IQCM: variants seen among roughly 807,000 people sequenced by gnomAD.
IQCM encodes the protein IQ domain-containing protein M.
In IQCM, 45 loss-of-function variants were observed where a neutral mutation model predicts 57.6. The observed-to-expected ratio is 0.78, with a 90% CI of 0.62 to 1.00. The LOEUF is 1.00. Among genes scored for constraint, IQCM ranks in the 50% least tolerant of loss-of-function variants. The pLI, the probability that IQCM is intolerant of heterozygous loss-of-function variation, is 0.00. For missense variants in IQCM, 468 were observed against 511.6 expected (o/e 0.91, Z 0.82); for synonymous variants, 148 against 158.9 (o/e 0.93, Z 0.51).
At chr4:149,431,796 T>C (rs1451297348) in intron 13 of IQCM, among the ~76,000 whole-genome samples, 3 of 152,002 alleles carry the variant, frequency 2.0e-5, no homozygotes, top group African/African-American at 7.2e-5. Flanking sequence ...TCATCCATGT[T>C]GTGTACATCA....
chr4:149,587,460 T>C (rs1752745692), intron 9 of IQCM, among the ~76,000 whole-genome samples: 1 of 151,728 alleles, frequency 6.6e-6, no homozygotes, highest in South Asian at 2.1e-4. Context: ...AAATCAATGT[T>C]TTCAAAACAG....
At chr4:149,494,434 T>C (rs1742435962) in intron 12 of IQCM, among the ~76,000 whole-genome samples, 2 of 152,186 alleles carry the variant, frequency 1.3e-5, no homozygotes, top group African/African-American at 4.8e-5. Context: ...AAGTCCCTAA[T>C]GAGATTGTAC....
chr4:149,400,945 T>C (rs1732577959), intron 13 of IQCM, among the ~76,000 whole-genome samples: 2 of 151,892 alleles, frequency 1.3e-5, no homozygotes, highest in Non-Finnish European at 2.9e-5. Context: ...GCTATTGCTG[T>C]ATACTTTGCT....
At position 149,578,607 on chromosome 4, in the gene IQCM, C is replaced by T. The variant is rs371690880; in HGVS notation, c.749+9323G>A. On this transcript the variant is annotated intron_variant, in intron 9 of 13. Transcript: ENST00000636793. ...AGAGCTGACTCTACCTACTCCCATC[C>T]GTCTCTCTCACCTCTGCTCAAAAAA... 6.6e-5 allele frequency among the ~76,000 whole-genome samples: 10 copies of T among 151,852 alleles called. No individual in the cohort carries two copies. In the East Asian group the frequency reaches 1.6e-3, roughly 24 times the overall value.
At chr4:149,518,226 C>T (rs569795649) in intron 12 of IQCM, among the ~76,000 whole-genome samples, 154 of 152,172 alleles carry the variant, frequency 1.0e-3, no homozygotes, top group Non-Finnish European at 2.0e-3. Flanking sequence ...ATACTCCTAC[C>T]ATGAAGGGAG....
intron 12 of IQCM, among the ~76,000 whole-genome samples, chr4:149,519,786 C>G (rs191406684): frequency 5.3e-5 from 8 of 151,970 alleles, no homozygotes; most frequent in Non-Finnish European, 1.2e-4. Flanking sequence ...GAGTGGATCA[C>G]GAGGTCAGGA....
At chr4:149,373,506 G>A (rs533811214) in intron 13 of IQCM, among the ~76,000 whole-genome samples, 7 of 152,154 alleles carry the variant, frequency 4.6e-5, no homozygotes, top group Admixed American at 4.6e-4. Flanking sequence ...GTTAAATAAC[G>A]TGTACAATAT....
intron 2 of IQCM, among the ~76,000 whole-genome samples, chr4:149,809,351 A>G (rs939514428): frequency 2.0e-5 from 3 of 152,176 alleles, no homozygotes; most frequent in African/African-American, 4.8e-5. Context: ...ACAATCTTAC[A>G]GTATACAAAT....
chr4:149,754,315 C>G (rs566841252), intron 2 of IQCM, among the ~76,000 whole-genome samples: 1 of 152,292 alleles, frequency 6.6e-6, no homozygotes, highest in African/African-American at 2.4e-5. Context: ...TAAAGCCCCT[C>G]CCCGCCCCGG....
intron 2 of IQCM, among the ~76,000 whole-genome samples, chr4:149,754,689 G>A (rs959276307): frequency 1.3e-5 from 2 of 152,032 alleles, no homozygotes; most frequent in African/African-American, 4.8e-5. Context: ...AGTCTCTTAT[G>A]CTAGTTCCTC....
intron 13 of IQCM, among the ~76,000 whole-genome samples, chr4:149,373,103 G>C (rs1283208506): frequency 6.6e-6 from 1 of 152,142 alleles, no homozygotes; most frequent in African/African-American, 2.4e-5. Context: ...AGCAAATGAA[G>C]TAACTAAATG....
intron 7 of IQCM, among the ~76,000 whole-genome samples, chr4:149,630,207 G>A (rs1361757233): frequency 6.6e-6 from 1 of 152,174 alleles, no homozygotes. Flanking sequence ...ATCTGGCTTG[G>A]ATGGCAGCAT....
At chr4:149,801,460 G>C (rs1391447315) in intron 2 of IQCM, among the ~76,000 whole-genome samples, 2 of 151,892 alleles carry the variant, frequency 1.3e-5, no homozygotes, top group Non-Finnish European at 2.9e-5. Flanking sequence ...TTGCAGCTCT[G>C]TTCACAATAG....
intron 5 of IQCM, among the ~76,000 whole-genome samples, chr4:149,708,281 T>G (rs1337484816): frequency 6.6e-6 from 1 of 152,038 alleles, no homozygotes; most frequent in Non-Finnish European, 1.5e-5. Flanking sequence ...TAGTGGAAAC[T>G]TTACAAGTTA....
At chr4:149,716,333 C>T (rs1764993980) in intron 5 of IQCM, among the ~76,000 whole-genome samples, 2 of 152,224 alleles carry the variant, frequency 1.3e-5, no homozygotes, top group Non-Finnish European at 2.9e-5. Flanking sequence ...TGGGTCGTGA[C>T]AGTGCCGGGG....
chr4:149,636,609 A>AT (rs1411156812), intron 7 of IQCM, among the ~76,000 whole-genome samples: 3 of 152,282 alleles, frequency 2.0e-5, no homozygotes, highest in African/African-American at 7.2e-5. Context: ...GCAGGCAATT[A>AT]TTTTTTTAAA....
chr4:149,452,185 A>C (rs1737190193), intron 12 of IQCM, among the ~76,000 whole-genome samples: 1 of 151,826 alleles, frequency 6.6e-6, no homozygotes, highest in African/African-American at 2.4e-5. Flanking sequence ...TACTAGTAGA[A>C]GTTAAGGAAA....
At chr4:149,768,785 G>T (rs1393180167) in intron 2 of IQCM, among the ~76,000 whole-genome samples, 1 of 151,968 alleles carries the variant, frequency 6.6e-6, no homozygotes, top group East Asian at 1.9e-4. Flanking sequence ...ATTATCAAAG[G>T]TTTAGGATAT....
At chr4:149,632,841 G>T (rs1757384841) in intron 7 of IQCM, among the ~76,000 whole-genome samples, 1 of 152,184 alleles carries the variant, frequency 6.6e-6, no homozygotes, top group African/African-American at 2.4e-5. Flanking sequence ...AAGTCCAAGT[G>T]ATAAAGCTAA....
Sources: gnomAD v4.1 joint callset for allele counts (sites outside exome capture counted in the v4.1 genomes callset) on GRCh38, gnomAD v4.1.1 for gene constraint, MANE v1.5 for transcripts, NCBI Gene and HGNC (gene_info 2026-07-23, HGNC 2026-07-21) for gene names.